The following CD33 variants were observed in gnomAD, a reference collection of about 807,000 sequenced individuals.
The protein encoded by CD33 is CD33 molecule.
A neutral mutation model predicts 31.4 loss-of-function variants in CD33; 25 were observed. The observed-to-expected ratio is 0.80, with a 90% CI of 0.58 to 1.11. The LOEUF is 1.11. Among genes scored for constraint, CD33 ranks in the 50% most tolerant of loss-of-function variants. CD33 has a pLI of 0.00. For synonymous variants in CD33, 176 were observed against 180.6 expected (o/e 0.97, Z 0.20); for missense variants, 407 against 448.1 (o/e 0.91, Z 0.83).
At chr19:51,234,659 C>T (rs997068710) in intron 4 of CD33, among the ~76,000 whole-genome samples, 92 of 152,280 alleles carry the variant, frequency 6.0e-4, no homozygotes, top group Non-Finnish European at 3.7e-4. Context: ...CACAGCCAGG[C>T]AGGTCCAGGA....
At chr19:51,212,559 A>G in the CD33 span, among the ~76,000 whole-genome samples, 1 of 147,478 alleles carries the variant, frequency 6.8e-6, no homozygotes, top group Non-Finnish European at 1.5e-5. Context: ...CCCACACACA[A>G]CCCCCTCAAC....
At chr19:51,222,785 T>C (rs746060883), upstream of CD33, among the ~76,000 whole-genome samples, 1 of 152,234 alleles carries the variant, frequency 6.6e-6, no homozygotes, top group Non-Finnish European at 1.5e-5. Flanking sequence ...TCAAATCTCA[T>C]GCAAATGTGA....
intron 4 of CD33, 111 bp from the exon 5 acceptor site, chr19:51,235,046 A>C (rs997518529): frequency 9.0e-6 from 7 of 779,354 alleles, no homozygotes; most frequent in Admixed American, 6.5e-5. Flanking sequence ...AAGATCTAGG[A>C]GCTAAACCCC....
At chr19:51,223,493 T>G (rs1352308910), upstream of CD33, among the ~76,000 whole-genome samples, 3 of 152,200 alleles carry the variant, frequency 2.0e-5, no homozygotes, top group African/African-American at 7.2e-5. Flanking sequence ...GAAAACCATG[T>G]AGCTGGACCT....
At chr19:51,235,994 TAAAAATACAA>T in intron 6 of CD33, 1 of 610,062 alleles carries the variant, frequency 1.6e-6, no homozygotes, top group Non-Finnish European at 3.0e-6. Context: ...CCGTCTCTAC[TAAAAATACAA>T]AAAATTAGCC....
In CD33 at chr19:51,239,544, T is replaced by C. The variant is rs149704584; in HGVS notation, c.951T>C (p.His317=). 3.1e-6 allele frequency: 5 copies of C among 1,611,238 alleles called. No homozygotes were observed. Among genetic ancestry groups the C allele is most frequent in the Non-Finnish European group, 1.7e-6 (2 of 1,178,740 alleles). ...AACACCAGAAGAAGTCCAAGTTACA[T>C]GGCCCCACTGAAACCTCAAGCTGTT... ...SPKHQKKSKL[H]GPTETSSCSG... Residue 317 remains histidine, a synonymous_variant, in exon 7 of 7, where the codon CAT becomes CAC. Coordinates refer to ENST00000262262, the MANE Select transcript of CD33 (RefSeq NM_001772.4).
At chr19:51,216,413 TAAG>T in the CD33 span, among the ~76,000 whole-genome samples, 2 of 152,068 alleles carry the variant, frequency 1.3e-5, no homozygotes, top group South Asian at 2.1e-4. Flanking sequence ...ATCTCAGTAT[TAAG>T]AAGATGTTCT....
intron 4 of CD33, among the ~76,000 whole-genome samples, chr19:51,234,676 T>C (rs1254665982): frequency 1.3e-5 from 2 of 152,098 alleles, no homozygotes; most frequent in Non-Finnish European, 2.9e-5. Context: ...AGGAGAACTG[T>C]CTGGGTCTAA....
At chr19:51,211,144 A>T in the CD33 span, 184 of 1,601,652 alleles carry the variant, frequency 1.1e-4, 1 homozygote, top group Non-Finnish European at 1.6e-4. Context: ...TGCTGTGGGC[A>T]GGTGAATGGC....
At chr19:51,231,162 G>A (rs1430581604) in intron 4 of CD33, among the ~76,000 whole-genome samples, 2 of 152,218 alleles carry the variant, frequency 1.3e-5, no homozygotes, top group African/African-American at 2.4e-5. Context: ...TTGATGCACC[G>A]CTACCTTTCT....
chr19:51,235,339 T>G, intron 5 of CD33, 86 bp downstream of exon 5: 1 of 1,362,882 alleles, frequency 7.3e-7, no homozygotes, highest in Admixed American at 1.8e-5. Context: ...CTGTGAGGGC[T>G]GGAGAAAGGG....
At chr19:51,211,548 A>C in the CD33 span, 1 of 1,521,372 alleles carries the variant, frequency 6.6e-7, no homozygotes, top group Non-Finnish European at 8.8e-7. Flanking sequence ...GAAGTACCAA[A>C]CACAGTTACA....
Position 51,239,972 on chromosome 19 carries a change from AGGGATGCTGTGAGC to A in CD33, c.*285_*298del, listed in dbSNP as rs898756069. 1 of 247,428 alleles carries A rather than the reference AGGGATGCTGTGAGC, an allele frequency of 4.0e-6. No individual in the cohort carries two copies. Among genetic ancestry groups the A allele is most frequent in the African/African-American group, 2.2e-5 (1 of 44,696 alleles). 15.3% of individuals were successfully genotyped at this position (247,428 alleles called of 1,614,324 possible). On this transcript the variant is annotated 3_prime_UTR_variant, in exon 7 of 7. Coordinates refer to ENST00000262262, the MANE Select transcript of CD33 (RefSeq NM_001772.4). ...GTAGGTATAAGAAGTCCTATCTCAT[AGGGATGCTGTGAGC>A]ATTAAATAAAGGTACACATGGAAAA...
At chr19:51,214,706 T>G in the CD33 span, among the ~76,000 whole-genome samples, 2 of 152,370 alleles carry the variant, frequency 1.3e-5, no homozygotes, top group East Asian at 3.9e-4. Context: ...GAGTTGTAAG[T>G]GCTCTTTATA....
intron 4 of CD33, among the ~76,000 whole-genome samples, chr19:51,228,668 TTTTTG>T (rs143779270): frequency 0.39 from 58,469 of 150,906 alleles, 12,010 homozygotes; most frequent in African/African-American, 0.49. Flanking sequence ...AGTCTTTAGG[TTTTTG>T]TTTTGTTTTG....
intron 4 of CD33, among the ~76,000 whole-genome samples, chr19:51,232,321 C>T (rs1210928193): frequency 6.6e-6 from 1 of 152,090 alleles, no homozygotes; most frequent in Non-Finnish European, 1.5e-5. Context: ...ATACTTTTAC[C>T]TTGCTGTTTT....
chr19:51,239,686 T>A lies in CD33; in HGVS notation c.1093T>A (p.Ter365ArgextTer10). The stretch of plus-strand genomic sequence containing the variant: ...CGAATACTCAGAGGTCAGGACCCAG[T>A]GAGGAACCCACAAGAGCATCAGGCT... ...STEYSEVRTQ[*>R] Residue 365 changes from the stop codon to arginine, a stop_lost, in exon 7 of 7, where the codon TGA (stop) becomes AGA (arginine). Coordinates refer to ENST00000262262, the MANE Select transcript of CD33 (RefSeq NM_001772.4). 6.2e-7 allele frequency: 1 copy of A among 1,607,718 alleles called. No individual in the cohort carries two copies. Among genetic ancestry groups the A allele is most frequent in the Non-Finnish European group, 8.5e-7 (1 of 1,177,496 alleles).
At chr19:51,224,993 C>T, upstream of CD33, 4 of 1,207,480 alleles carry the variant, frequency 3.3e-6, no homozygotes, top group Non-Finnish European at 4.8e-6. Flanking sequence ...TCTGAGGTTC[C>T]TCTTCCATGC....
chr19:51,226,725 A>G (rs573015590), intron 4 of CD33, among the ~76,000 whole-genome samples: 1 of 152,200 alleles, frequency 6.6e-6, no homozygotes, highest in Admixed American at 6.5e-5. Context: ...TGTTGTTGGG[A>G]ACATTCAATA....
Sources: allele counts gnomAD v4.1 joint callset (sites outside exome capture counted in the v4.1 genomes callset), GRCh38; gene constraint gnomAD v4.1.1; transcripts MANE v1.5; gene names NCBI Gene and HGNC (gene_info 2026-07-23, HGNC 2026-07-21).